Variants in CTSW observed in about 807,000 individuals in gnomAD.
The protein encoded by CTSW is cathepsin W.
CTSW carries 42 observed loss-of-function variants against 43.8 expected under a neutral mutation model. That is an observed-to-expected ratio of 0.96 (90% confidence interval 0.75 to 1.24). The LOEUF (loss-of-function observed/expected upper bound fraction) is 1.24. CTSW is among the 50% of genes most tolerant of loss of function. The pLI, the probability that CTSW is intolerant of heterozygous loss-of-function variation, is 0.00. For missense variants in CTSW, 475 were observed against 479.9 expected (o/e 0.99, Z 0.09); for synonymous variants, 191 against 184.8 (o/e 1.03, Z -0.27).
intron 2 of CTSW, chr11:65,880,541 G>A (rs898600087): frequency 1.1e-4 from 34 of 323,224 alleles, no homozygotes; most frequent in Non-Finnish European, 3.0e-5. Flanking sequence ...GGCTGGTCTT[G>A]AACTCCTGAC....
At chr11:65,881,006 CTGTG>C (rs953453685) in intron 2 of CTSW, among the ~76,000 whole-genome samples, 1 of 152,196 alleles carries the variant, frequency 6.6e-6, no homozygotes, top group African/African-American at 2.4e-5. Context: ...GGGGGCTGAT[CTGTG>C]TGTGCCTTTT....
intron 7 of CTSW, 74 bp from the exon 8 acceptor site, chr11:65,882,995 G>A: frequency 1.2e-6 from 2 of 1,612,182 alleles, no homozygotes; most frequent in Non-Finnish European, 1.7e-6. Context: ...AAGACAAGAG[G>A]GGGTGGGGGG....
chr11:65,882,554 A>G, intron 5 of CTSW, 28 bp downstream of exon 5: 11 of 1,614,116 alleles, frequency 6.8e-6, no homozygotes, highest in Non-Finnish European at 9.3e-6. Context: ...TGCGCGTGTG[A>G]CAGGGGAGGG....
intron 1 of CTSW, 21 bp from the exon 2 acceptor site, chr11:65,880,181 C>A: frequency 1.2e-6 from 2 of 1,608,692 alleles, no homozygotes; most frequent in South Asian, 2.2e-5. Context: ...CTGCCCCTCT[C>A]CACCCTTGGT....
At chr11:65,881,337 C>A in intron 2 of CTSW, 70 bp from the exon 3 acceptor site, 1 of 1,099,406 alleles carries the variant, frequency 9.1e-7, no homozygotes, top group Non-Finnish European at 1.3e-6. Flanking sequence ...TGGAAGGGTG[C>A]CCAGCCAGCG....
chr11:65,880,587 C>G (rs1042568843), intron 2 of CTSW: 1 of 294,088 alleles, frequency 3.4e-6, no homozygotes, highest in Non-Finnish European at 6.6e-6. Flanking sequence ...TCCCAAAGGG[C>G]TGGGATTACA....
Position 65,883,660 on chromosome 11 carries a change from C to A in CTSW, c.*42C>A. On this transcript the variant is annotated 3_prime_UTR_variant, in exon 10 of 10. Coordinates refer to ENST00000307886, the MANE Select transcript of CTSW (RefSeq NM_001335.4). ...CAGCTCTGTCCTGTTAGGCCAACTG[C>A]CTCCTTGCCAGCCCCACCCCCAGGT... 4 of 1,562,416 alleles carry A rather than the reference C, an allele frequency of 2.6e-6. No individual in the cohort carries two copies. The highest frequency in any genetic ancestry group is 3.5e-6 in the Non-Finnish European group (4 of 1,136,592).
intron 1 of CTSW, 50 bp from the exon 2 acceptor site, chr11:65,880,152 G>C (rs1235881037): frequency 6.4e-7 from 1 of 1,551,952 alleles, no homozygotes; most frequent in South Asian, 1.1e-5. Flanking sequence ...TGGGGCCCCA[G>C]CAATGATTCC....
Position 65,881,476 on chromosome 11 carries a change from T to G in CTSW, c.242T>G (p.Leu81Trp). The change falls in exon 3 of 10, where the codon TTG (leucine) becomes TGG (tryptophan). Residue 81 changes from leucine to tryptophan, a missense_variant. Leu to Trp is a moderately conservative substitution (Grantham distance 61). Coordinates refer to ENST00000307886, the MANE Select transcript of CTSW (RefSeq NM_001335.4). ...GCTCAGAGGCTGCAGGAGGAGGACT[T>G]GGGCACAGCTGAGTTTGGGGTGACT... is the stretch of plus-strand genomic sequence containing the variant. ...AQAQRLQEED[L>W]GTAEFGVTPF... 6.2e-7 allele frequency: 1 copy of G among 1,611,650 alleles called. No individual in the cohort carries two copies. The highest frequency in any genetic ancestry group is 8.5e-7 in the Non-Finnish European group (1 of 1,178,728).
chr11:65,883,621 C>T lies in CTSW; in HGVS notation c.*3C>T. ...CCCGAGTCTCCTGCCCTCCCTGAACCCACCTGGCCCCCTCAGCTCTGTCCT... is the reference window on the plus strand; with the variant it reads ...CCCGAGTCTCCTGCCCTCCCTGAACTCACCTGGCCCCCTCAGCTCTGTCCT... On this transcript the variant is annotated 3_prime_UTR_variant, in exon 10 of 10. Transcript: ENST00000307886. 1 of 1,611,930 alleles carries T rather than the reference C, an allele frequency of 6.2e-7. No individual in the cohort carries two copies. Among genetic ancestry groups the T allele is most frequent in the Non-Finnish European group, 8.5e-7 (1 of 1,178,294 alleles).
rs1860138858 is a variant in CTSW at position 65,883,218 on chromosome 11, T to C, written c.814T>C (p.Tyr272His). ...VTINMKPLQL[Y>H]RKGVIKATPT... Reference sequence around the variant, plus strand: ...CCTCGGCCCCCACCCCCTGCAGCTATACCGGAAAGGTGTGATCAAGGCCAC... The same window carrying C: ...CCTCGGCCCCCACCCCCTGCAGCTACACCGGAAAGGTGTGATCAAGGCCAC... The change falls in exon 9 of 10, where the codon TAC (tyrosine) becomes CAC (histidine). Residue 272 changes from tyrosine (Y) to histidine (H), a missense_variant. Physicochemically the swap from Tyr to His is moderately conservative, Grantham distance 83. Coordinates refer to ENST00000307886, the MANE Select transcript of CTSW (RefSeq NM_001335.4). The C allele has an allele frequency of 1.9e-6, 3 of 1,613,400 alleles. No homozygotes were observed. The highest frequency in any genetic ancestry group is 2.7e-5 in the African/African-American group (2 of 74,814).
chr11:65,880,127 G>A (rs774368308), intron 1 of CTSW, 75 bp from the exon 2 acceptor site: 134 of 1,394,250 alleles, frequency 9.6e-5, no homozygotes, highest in Non-Finnish European at 1.3e-4. Context: ...GTCCTTGCAC[G>A]GCTGGGAACT....
At chr11:65,883,485 C>T (rs759574892) in intron 9 of CTSW, 23 bp from the exon 10 acceptor site, 1 of 1,611,928 alleles carries the variant, frequency 6.2e-7, no homozygotes, top group African/African-American at 1.3e-5. Flanking sequence ...ACCTTCCCGC[C>T]CCTATGTCCC....
rs750037258 is a variant in CTSW, at chr11:65,882,571, A to C, written c.539-38A>C. On this transcript the variant is annotated intron_variant, in intron 5 of 9. Transcript: ENST00000307886. ...CGCGTGTGACAGGGGAGGGAGGCCT[A>C]GGGGCCTGGTCACCCACACTGTCCC... is the stretch of plus-strand genomic sequence containing the variant. 1.9e-6 allele frequency: 3 copies of C among 1,613,982 alleles called. No individual in the cohort carries two copies. In the South Asian group the frequency reaches 3.3e-5, roughly 18 times the overall value.
In CTSW at chr11:65,883,232, G is replaced by T; in HGVS notation, c.828G>T (p.Val276=). Residue 276 remains valine (V), a synonymous_variant, in exon 9 of 10, where the codon GTG becomes GTT. Transcript: ENST00000307886. ...CCCTGCAGCTATACCGGAAAGGTGT[G>T]ATCAAGGCCACACCCACCACCTGTG... ...MKPLQLYRKG[V]IKATPTTCDP... The T allele has an allele frequency of 6.2e-7, 1 of 1,613,692 alleles. No individual in the cohort carries two copies. The highest frequency in any genetic ancestry group is 1.1e-5 in the South Asian group (1 of 91,052).
At chr11:65,880,745 T>A (rs1371369967) in intron 2 of CTSW, 1 of 170,512 alleles carries the variant, frequency 5.9e-6, no homozygotes. Flanking sequence ...CATGAGTGGG[T>A]CCAGGATCAT....
rs201535604 is a variant in CTSW at position 65,880,325 on chromosome 11, CTTTT to C, written c.172+49_172+52del. 14 of 1,317,526 alleles carry C rather than the reference CTTTT, an allele frequency of 1.1e-5. No individual in the cohort carries two copies. In the African/African-American group the frequency reaches 1.5e-4, roughly 14 times the overall value. 81.6% of individuals were successfully genotyped at this position (1,317,526 alleles called of 1,614,324 possible). A position where few individuals can be genotyped will look rare whatever the true frequency, so the allele number is the denominator to read the frequency against. On this transcript the variant is annotated intron_variant, in intron 2 of 9. Coordinates refer to ENST00000307886, the MANE Select transcript of CTSW (RefSeq NM_001335.4). ...CATACATCTCCAGTCCAAGCCCCCA[CTTTT>C]TTTTTTTTTGAGACGGAGTTTCACT...
At chr11:65,881,300 G>C (rs1475902991) in intron 2 of CTSW, 107 bp from the exon 3 acceptor site, 1 of 618,378 alleles carries the variant, frequency 1.6e-6, no homozygotes, top group Admixed American at 3.2e-5. Context: ...CAGGAAAGGA[G>C]CCAGTGCTCA....
At chr11:65,881,587 T>G in intron 3 of CTSW, 67 bp downstream of exon 3, 1 of 1,125,694 alleles carries the variant, frequency 8.9e-7, no homozygotes. Context: ...CACTGGCAGC[T>G]GGACCCAGCG....
Sources: allele counts gnomAD v4.1 joint callset (sites outside exome capture counted in the v4.1 genomes callset), GRCh38; gene constraint gnomAD v4.1.1; transcripts MANE v1.5; gene names NCBI Gene and HGNC (gene_info 2026-07-23, HGNC 2026-07-21).